Variants in PHACTR1 observed in about 807,000 individuals in gnomAD.
PHACTR1 encodes RPEL repeat containing 1.
In PHACTR1, 16 loss-of-function variants were observed where a neutral mutation model predicts 69.2. That is an observed-to-expected ratio of 0.23 (90% CI 0.16 to 0.35). The LOEUF (loss-of-function observed/expected upper bound fraction) is 0.35. Ranked by LOEUF, PHACTR1 falls within the 10% of genes least tolerant of loss-of-function variation. The probability of loss-of-function intolerance (pLI) is 1.00; values close to 1 mark genes in which losing one functional copy is unlikely to be tolerated. For missense variants in PHACTR1, 510 were observed against 734.7 expected, an observed-to-expected ratio of 0.69 and a Z score of 3.54; for synonymous variants, 312 against 284.5, an observed-to-expected ratio of 1.10 and a Z score of -0.97.
chr6:13,008,710 A>G (rs1354268826), intron 4 of PHACTR1, among the ~76,000 whole-genome samples: 1 of 152,222 alleles, frequency 6.6e-6, no homozygotes, highest in East Asian at 1.9e-4. Flanking sequence ...ACCATTTAGA[A>G]GTACTTTTTA....
chr6:12,849,773 T>C (rs902662608), intron 4 of PHACTR1, among the ~76,000 whole-genome samples: 10 of 152,050 alleles, frequency 6.6e-5, no homozygotes, highest in Non-Finnish European at 1.2e-4. Context: ...TTCTTCTTTT[T>C]CCCCCAGAAT....
chr6:13,217,898 C>T (rs529931395), intron 8 of PHACTR1, among the ~76,000 whole-genome samples: 9 of 152,236 alleles, frequency 5.9e-5, no homozygotes, highest in Admixed American at 3.9e-4. Flanking sequence ...ATTTCTCACA[C>T]ATTTTTGGTC....
chr6:12,741,768 C>CAAAAA (rs70987094), intron 3 of PHACTR1, among the ~76,000 whole-genome samples: 1 of 143,464 alleles, frequency 7.0e-6, no homozygotes, highest in Non-Finnish European at 1.5e-5. Context: ...TGTCAAACTC[C>CAAAAA]AAAAAAAAAA....
chr6:13,188,946 G>A (rs1487384988), intron 7 of PHACTR1, among the ~76,000 whole-genome samples: 1 of 152,206 alleles, frequency 6.6e-6, no homozygotes, highest in Non-Finnish European at 1.5e-5. Flanking sequence ...AGTGATGGGT[G>A]ACCCCAAAAG....
At chr6:12,806,381 A>C (rs1331673964) in intron 4 of PHACTR1, among the ~76,000 whole-genome samples, 1 of 152,196 alleles carries the variant, frequency 6.6e-6, no homozygotes, top group African/African-American at 2.4e-5. Flanking sequence ...TGTATGAGGC[A>C]CTTTTGTAAA....
intron 8 of PHACTR1, among the ~76,000 whole-genome samples, chr6:13,213,725 T>C (rs895223582): frequency 3.3e-5 from 5 of 152,350 alleles, no homozygotes; most frequent in East Asian, 1.9e-4. Context: ...CCTTCCACCA[T>C]GTGAGCGTGC....
intron 4 of PHACTR1, among the ~76,000 whole-genome samples, chr6:13,039,724 A>G (rs1803873969): frequency 6.6e-6 from 1 of 152,242 alleles, no homozygotes; most frequent in African/African-American, 2.4e-5. Flanking sequence ...TCAGAAACCA[A>G]TTGAAATGAT....
intron 10 of PHACTR1, among the ~76,000 whole-genome samples, chr6:13,235,821 A>C (rs986009315): frequency 3.9e-5 from 6 of 152,176 alleles, no homozygotes; most frequent in Non-Finnish European, 8.8e-5. Flanking sequence ...CTTCAGACCC[A>C]ACAGAGGATC....
At chr6:13,001,099 G>C (rs1798046267) in intron 4 of PHACTR1, among the ~76,000 whole-genome samples, 1 of 152,204 alleles carries the variant, frequency 6.6e-6, no homozygotes, top group Admixed American at 6.5e-5. Flanking sequence ...TCAGGGGATA[G>C]ACTGTGTCAG....
intron 4 of PHACTR1, among the ~76,000 whole-genome samples, chr6:12,902,195 G>T (rs1308687928): frequency 2.0e-5 from 3 of 152,154 alleles, no homozygotes; most frequent in South Asian, 2.1e-4. Context: ...GACGGAGGGA[G>T]GTGGATCACC....
intron 4 of PHACTR1, among the ~76,000 whole-genome samples, chr6:13,011,179 G>A (rs999580566): frequency 6.6e-6 from 1 of 152,184 alleles, no homozygotes; most frequent in Non-Finnish European, 1.5e-5. Context: ...AACTTTCAAT[G>A]GTGATGGAAA....
intron 4 of PHACTR1, among the ~76,000 whole-genome samples, chr6:13,007,161 C>T (rs1048739750): frequency 1.3e-5 from 2 of 152,150 alleles, no homozygotes; most frequent in African/African-American, 4.8e-5. Flanking sequence ...TTTATGCAGT[C>T]ATTCCTTTAT....
At chr6:13,284,281 G>A (rs1199950109) in intron 13 of PHACTR1, among the ~76,000 whole-genome samples, 2 of 151,878 alleles carry the variant, frequency 1.3e-5, no homozygotes, top group Non-Finnish European at 2.9e-5. Context: ...ACTTTGGGAG[G>A]CCGAGGCGGG....
chr6:13,057,924 G>A (rs969306857), intron 5 of PHACTR1, among the ~76,000 whole-genome samples: 7 of 152,132 alleles, frequency 4.6e-5, no homozygotes, highest in Admixed American at 2.0e-4. Context: ...ATTGAGACAC[G>A]GAGTAGCTCT....
At chr6:12,739,626 G>A (rs1176163128) in intron 3 of PHACTR1, among the ~76,000 whole-genome samples, 1 of 152,096 alleles carries the variant, frequency 6.6e-6, no homozygotes, top group Non-Finnish European at 1.5e-5. Context: ...TGCAGACTCA[G>A]CCTCTTGGTA....
intron 4 of PHACTR1, among the ~76,000 whole-genome samples, chr6:12,952,932 G>A (rs563602558): frequency 6.6e-6 from 1 of 152,302 alleles, no homozygotes; most frequent in East Asian, 1.9e-4. Flanking sequence ...CTACTAGAGA[G>A]CCAAAAATAG....
chr6:12,787,174 T>C (rs1295956764), intron 4 of PHACTR1, among the ~76,000 whole-genome samples: 2 of 152,220 alleles, frequency 1.3e-5, no homozygotes, highest in Non-Finnish European at 2.9e-5. Flanking sequence ...TAGGACAATG[T>C]GTGAGGCTGG....
intron 5 of PHACTR1, among the ~76,000 whole-genome samples, chr6:13,111,981 T>G (rs1238006517): frequency 6.6e-6 from 1 of 152,150 alleles, no homozygotes; most frequent in African/African-American, 2.4e-5. Flanking sequence ...ACCCAGGTAT[T>G]AAGCCTAGTA....
At chr6:13,145,156 T>C (rs1350142667) in intron 5 of PHACTR1, among the ~76,000 whole-genome samples, 1 of 152,248 alleles carries the variant, frequency 6.6e-6, no homozygotes, top group Non-Finnish European at 1.5e-5. Context: ...ATTTCAAGGA[T>C]AGGCATCAGA....
Sources: allele counts gnomAD v4.1 joint callset (sites outside exome capture counted in the v4.1 genomes callset), GRCh38; gene constraint gnomAD v4.1.1; transcripts MANE v1.5; gene names NCBI Gene and HGNC (gene_info 2026-07-23, HGNC 2026-07-21).